NFATC2: variants seen among roughly 807,000 people sequenced by gnomAD.
The protein encoded by NFATC2 is nuclear factor of activated T-cells, cytoplasmic 2.
NFATC2 carries 22 observed loss-of-function variants against 87.3 expected under a neutral mutation model. That is an observed-to-expected ratio of 0.25 (90% CI 0.18 to 0.36). The LOEUF (loss-of-function observed/expected upper bound fraction) is 0.36. Among genes scored for constraint, NFATC2 ranks in the 10% least tolerant of loss-of-function variants. The pLI is 1.00. For synonymous variants in NFATC2, 565 were observed against 542.2 expected (o/e 1.04, Z -0.58); for missense variants, 1,149 against 1,259.1 (o/e 0.91, Z 1.32).
At chr20:51,444,650 T>C (rs1008767155) in intron 6 of NFATC2, among the ~76,000 whole-genome samples, 1 of 152,132 alleles carries the variant, frequency 6.6e-6, no homozygotes, top group Admixed American at 6.5e-5. Flanking sequence ...GAAATCAAAG[T>C]GTCAGCTCGT....
Position 51,510,871 on chromosome 20 carries a change from T to A in NFATC2, c.1332+5913A>T, listed in dbSNP as rs2076262248. ...GTAACTAGACAATTCTTAGAAATCA[T>A]ATAAATATAACCTCTCTCTTATCTC... On this transcript the variant is annotated intron_variant, in intron 3 of 10. Transcript: ENST00000371564. 2.6e-5 allele frequency among the ~76,000 whole-genome samples: 4 copies of A among 152,200 alleles called. 1 individual carries two copies. The South Asian group carries it at 8.3e-4, about 32-fold the overall frequency.
At chr20:51,438,707 T>C (rs1983920224) in intron 6 of NFATC2, among the ~76,000 whole-genome samples, 1 of 152,104 alleles carries the variant, frequency 6.6e-6, no homozygotes, top group Non-Finnish European at 1.5e-5. Flanking sequence ...GGAGACCTTT[T>C]CCCACCTCTG....
chr20:51,422,033 A>G (rs1203419683), intron 9 of NFATC2, among the ~76,000 whole-genome samples: 1 of 152,254 alleles, frequency 6.6e-6, no homozygotes, highest in African/African-American at 2.4e-5. Flanking sequence ...CTTATGCAAC[A>G]GAACCTCTAC....
intron 1 of NFATC2, among the ~76,000 whole-genome samples, chr20:51,533,434 G>A (rs1242144125): frequency 6.6e-6 from 1 of 152,208 alleles, no homozygotes; most frequent in Non-Finnish European, 1.5e-5. Flanking sequence ...GTGTATTAAT[G>A]ACCAGAGTCA....
At position 51,432,491 on chromosome 20, in the gene NFATC2, C is replaced by T; in HGVS notation, c.2298G>A (p.Gln766=). ...GCGGGGCGGCCATGAGGGCCGGCTG[C>T]TGATAGCCCAGCAGGCTGGGGCTCA... The part of the protein sequence containing the change: ...KSLSPSLLGY[Q]QPALMAAPLS... Residue 766 remains glutamine, a synonymous_variant, in exon 9 of 11, where the codon CAG becomes CAA. Coordinates refer to ENST00000371564, the MANE Select transcript of NFATC2 (RefSeq NM_012340.5). This position sits in a 1 kb window ranked among gnomAD's most constrained non-coding sequence, Gnocchi z 4.6. 1 of 1,555,278 alleles carries T rather than the reference C, an allele frequency of 6.4e-7. No homozygotes were observed. The highest frequency in any genetic ancestry group is 8.7e-7 in the Non-Finnish European group (1 of 1,150,918).
At chr20:51,424,521 A>G (rs755721218) in intron 9 of NFATC2, among the ~76,000 whole-genome samples, 16 of 152,212 alleles carry the variant, frequency 1.1e-4, no homozygotes, top group Non-Finnish European at 1.9e-4. Flanking sequence ...TAACCCAGAG[A>G]GTCGGGCACC....
intron 10 of NFATC2, 78 bp from the exon 11 acceptor site, chr20:51,391,529 T>C (rs1353069097): frequency 3.3e-5 from 47 of 1,438,784 alleles, no homozygotes; most frequent in Non-Finnish European, 4.0e-5. Context: ...TCAGGTTCAC[T>C]TTCTAGAACC....
In NFATC2 at chr20:51,435,623, A is replaced by G. The variant is rs1266054049; in HGVS notation, c.1905+83T>C. 6.9e-6 allele frequency: 10 copies of G among 1,439,644 alleles called. No homozygotes were observed. In the African/African-American group the frequency reaches 1.4e-4, roughly 20 times the overall value. 89.2% of individuals were successfully genotyped at this position (1,439,644 alleles called of 1,614,324 possible). A position where few individuals can be genotyped will look rare whatever the true frequency, so the allele number is the denominator to read the frequency against. On this transcript the variant is annotated intron_variant, in intron 7 of 10. Coordinates refer to ENST00000371564, the MANE Select transcript of NFATC2 (RefSeq NM_012340.5). ...CCAGAGCTCTGGGGGACACTGATGA[A>G]GGAAGGAGGGAAAGAAGGAAAGAGC...
rs2146511536 is a variant in NFATC2, at chr20:51,474,058, G to T, written c.1630C>A (p.Leu544Met). 6.2e-7 allele frequency: 1 copy of T among 1,614,228 alleles called. No homozygotes were observed. The highest frequency in any genetic ancestry group is 2.2e-5 in the East Asian group (1 of 44,888). Residue 544 changes from leucine to methionine, a missense_variant, in exon 5 of 11, where the codon CTG becomes ATG. By Grantham distance (15) the Leu-to-Met change is conservative. Coordinates refer to ENST00000371564, the MANE Select transcript of NFATC2 (RefSeq NM_012340.5). ...TCTGGGATGTGAACTCGGAAAACCA[G>T]TCTCACCCGCGTGTTCTTTCTTCCA... ...DIGRKNTRVR[L>M]VFRVHIPESS...
intron 5 of NFATC2, among the ~76,000 whole-genome samples, chr20:51,459,427 G>A (rs1986907506): frequency 6.6e-6 from 1 of 152,106 alleles, no homozygotes; most frequent in Non-Finnish European, 1.5e-5. Flanking sequence ...AATACGTGAG[G>A]CGTTTCTTTT....
Position 51,391,374 on chromosome 20 carries a change from T to C in NFATC2, c.*122A>G. On this transcript the variant is annotated 3_prime_UTR_variant, in exon 11 of 11. Transcript: ENST00000371564. ...GCTCCGAGGGGTCAGATACAGAAGGTGTCTTGCTATAATGGCTTCTTTTAC... is the reference window on the plus strand; with the variant it reads ...GCTCCGAGGGGTCAGATACAGAAGGCGTCTTGCTATAATGGCTTCTTTTAC... 6.2e-7 allele frequency: 1 copy of C among 1,612,030 alleles called. No homozygotes were observed. Among genetic ancestry groups the C allele is most frequent in the Non-Finnish European group, 8.5e-7 (1 of 1,178,990 alleles).
chr20:51,540,659 T>TTTTTTTTTTTTTTTTTTG (rs1600993612), intron 1 of NFATC2, among the ~76,000 whole-genome samples: 2 of 100,104 alleles, frequency 2.0e-5, no homozygotes, highest in Admixed American at 1.9e-4. Flanking sequence ...TTTTTTTTTG[T>TTTTTTTTTTTTTTTTTTG]TTTTTTTTTT....
chr20:51,487,260 G>C (rs1348538017), intron 3 of NFATC2, among the ~76,000 whole-genome samples: 2 of 152,192 alleles, frequency 1.3e-5, no homozygotes, highest in Admixed American at 1.3e-4. Flanking sequence ...ACCGTGCCCA[G>C]CATGGCAGTG....
chr20:51,419,816 C>T (rs1047637686), intron 9 of NFATC2, among the ~76,000 whole-genome samples: 5 of 152,064 alleles, frequency 3.3e-5, no homozygotes, highest in Admixed American at 1.3e-4. Flanking sequence ...AGATGTGATC[C>T]TCAGTTCACA....
In NFATC2 at chr20:51,542,637, G is replaced by A. The variant is rs2076840125; in HGVS notation, c.-138C>T. The A allele has an allele frequency of 8.4e-7, 1 of 1,196,198 alleles. No homozygotes were observed. The allele number at this position is 1,196,198 out of a possible 1,614,324, so 74.1% of individuals were successfully genotyped here. A position where few individuals can be genotyped will look rare whatever the true frequency, so the allele number is the denominator to read the frequency against. On this transcript the variant is annotated 5_prime_UTR_variant, in exon 1 of 11. Transcript: ENST00000371564. The stretch of plus-strand genomic sequence containing the variant: ...TCGTAGGGACGCACGCCGGGTCCGG[G>A]GACGGCGCGCCTGGCGCAGCGGGTC...
intron 5 of NFATC2, 79 bp from the exon 6 acceptor site, chr20:51,454,767 G>A: frequency 6.6e-7 from 1 of 1,514,888 alleles, no homozygotes; most frequent in South Asian, 1.2e-5. Flanking sequence ...TCATGGTACT[G>A]AGATATGACA....
intron 1 of NFATC2, among the ~76,000 whole-genome samples, chr20:51,533,130 C>A (rs542018898): frequency 1.3e-5 from 2 of 152,354 alleles, no homozygotes; most frequent in Admixed American, 6.5e-5. Context: ...GGGGAGCAGA[C>A]AGAGAGGCAA....
intron 1 of NFATC2, among the ~76,000 whole-genome samples, chr20:51,549,643 A>G (rs1295886902): frequency 1.3e-5 from 2 of 152,262 alleles, no homozygotes; most frequent in East Asian, 3.8e-4. Context: ...CCTTTAAGCA[A>G]GACACCTTCA....
intron 5 of NFATC2, among the ~76,000 whole-genome samples, chr20:51,457,504 C>G (rs970252640): frequency 3.9e-5 from 6 of 152,222 alleles, no homozygotes; most frequent in Admixed American, 3.9e-4. Context: ...GTTGCTTCCC[C>G]CTTCAAAGCC....
Sources: gnomAD v4.1 joint callset for allele counts (sites outside exome capture counted in the v4.1 genomes callset) on GRCh38, gnomAD v4.1.1 for gene constraint, Gnocchi (gnomAD v3.1) non-coding constraint, MANE v1.5 for transcripts, NCBI Gene and HGNC (gene_info 2026-07-23, HGNC 2026-07-21) for gene names.